PRPSAP1: variants seen among roughly 807,000 people sequenced by gnomAD.
PRPSAP1 encodes phosphoribosyl pyrophosphate synthetase associated protein 1, also known as phosphoribosyl pyrophosphate synthase-associated protein 1.
In PRPSAP1, 31 loss-of-function variants were observed where a neutral mutation model predicts 39.4. The ratio of observed to expected loss-of-function variants is 0.79; its 90% CI spans 0.59 to 1.06. The LOEUF is 1.06. Among genes scored for constraint, PRPSAP1 ranks in the 50% least tolerant of loss-of-function variants. PRPSAP1 has a pLI of 0.00. For missense variants in PRPSAP1, 430 were observed against 511.6 expected, an observed-to-expected ratio of 0.84 and a Z score of 1.54; for synonymous variants, 212 against 192.6, an observed-to-expected ratio of 1.10 and a Z score of -0.83.
In PRPSAP1 at chr17:76,311,811, A is replaced by G. The variant is rs2071073749; in HGVS notation, c.1000-111T>C. Reference sequence around the variant, plus strand: ...GTTCCCACAGCCTAAGTTCCAAACTACAAAACCTTGTTCCACCGAGTATAG... The same window carrying G: ...GTTCCCACAGCCTAAGTTCCAAACTGCAAAACCTTGTTCCACCGAGTATAG... On this transcript the variant is annotated intron_variant, in intron 9 of 9. Transcript: ENST00000446526. 6 of 1,274,016 alleles carry G rather than the reference A, an allele frequency of 4.7e-6. No individual in the cohort carries two copies. The Admixed American group carries it at 7.7e-5, about 16-fold the overall frequency. The allele number at this position is 1,274,016 out of a possible 1,614,324, so 78.9% of individuals were successfully genotyped here.
intron 3 of PRPSAP1, among the ~76,000 whole-genome samples, chr17:76,340,899 T>G (rs1295968923): frequency 8.1e-6 from 1 of 124,114 alleles, no homozygotes; most frequent in Non-Finnish European, 1.6e-5. Context: ...CGAAACTCCA[T>G]CTCAAAAAAA....
chr17:76,338,308 T>G (rs2071400181), intron 3 of PRPSAP1, among the ~76,000 whole-genome samples: 2 of 152,220 alleles, frequency 1.3e-5, no homozygotes, highest in African/African-American at 4.8e-5. Context: ...TTTGGTCTGT[T>G]TGCCTAAAAT....
At position 76,311,635 on chromosome 17, in the gene PRPSAP1, C is replaced by T. The variant is rs1359917165; in HGVS notation, c.1065G>A (p.Val355=). 5.6e-6 allele frequency: 9 copies of T among 1,614,068 alleles called. No individual in the cohort carries two copies. The highest frequency in any genetic ancestry group is 1.3e-5 in the African/African-American group (1 of 74,934). ...QKLQCPKIKT[V]DISLILSEAI... ...CTTCAGAAAGAATCAAACTGATATC[C>T]ACAGTCTTTATCTTGGGACATTGCA... The change falls in exon 10 of 10, where the codon GTG becomes GTA. Residue 355 remains valine (V), a synonymous_variant. Transcript: ENST00000446526.
rs140255480 is a variant in PRPSAP1 at position 76,318,694 on chromosome 17, AAG to A, written c.782-4805_782-4804del. 3.4e-3 allele frequency among the ~76,000 whole-genome samples: 513 copies of A among 152,306 alleles called. 9 individuals carry two copies. Among genetic ancestry groups the A allele is most frequent in the African/African-American group, 0.012 (489 of 41,562 alleles). ...AGAATTTTCTTGGCTAAGCCTATTA[AAG>A]AGAGTCACAGAAAGCAATGTGATGA... On this transcript the variant is annotated intron_variant, in intron 7 of 9. Transcript: ENST00000446526.
chr17:76,313,170 G>A (rs1458213336), intron 8 of PRPSAP1, 154 bp from the exon 9 acceptor site: 5 of 1,001,440 alleles, frequency 5.0e-6, no homozygotes, highest in Middle Eastern at 6.7e-4. Context: ...CGAGCATCCA[G>A]AAATGGCAAC....
Position 76,319,159 on chromosome 17 carries a change from C to T in PRPSAP1, c.782-5268G>A, listed in dbSNP as rs556440998. Among the ~76,000 whole-genome samples the T allele has an allele frequency of 9.0e-4, 136 of 151,946 alleles. 1 individual carries two copies. Among genetic ancestry groups the T allele is most frequent in the African/African-American group, 3.1e-3 (128 of 41,454 alleles). On this transcript the variant is annotated intron_variant, in intron 7 of 9. Transcript: ENST00000446526. Reference sequence around the variant, plus strand: ...TTCACCATGTTTGTCAGGCTGGTCTCGAACTCCTGACCTCGTGATCTGCCT... The same window carrying T: ...TTCACCATGTTTGTCAGGCTGGTCTTGAACTCCTGACCTCGTGATCTGCCT...
chr17:76,336,611 A>C (rs371034958), intron 3 of PRPSAP1, among the ~76,000 whole-genome samples: 2 of 150,728 alleles, frequency 1.3e-5, no homozygotes, highest in Non-Finnish European at 3.0e-5. Flanking sequence ...GCATGCCTGT[A>C]ATCCCAGTTA....
chr17:76,341,334 C>A (rs1466578762), intron 3 of PRPSAP1, among the ~76,000 whole-genome samples: 1 of 148,430 alleles, frequency 6.7e-6, no homozygotes, highest in African/African-American at 2.5e-5. Flanking sequence ...ACCACCCAGG[C>A]TCAAGCAATC....
In PRPSAP1 at chr17:76,353,898, C is replaced by T; in HGVS notation, c.-195G>A. 1 of 1,333,528 alleles carries T rather than the reference C, an allele frequency of 7.5e-7. No homozygotes were observed. Among genetic ancestry groups the T allele is most frequent in the Non-Finnish European group, 9.5e-7 (1 of 1,048,030 alleles). 82.6% of individuals were successfully genotyped at this position (1,333,528 alleles called of 1,614,324 possible). A position where few individuals can be genotyped will look rare whatever the true frequency, so the allele number is the denominator to read the frequency against. Reference sequence around the variant, plus strand: ...CGAGCCTTCGCAGCGCCCGGCGCCGCCGCCTCAGAGCCAGAGGCAAGGCCA... The same window carrying T: ...CGAGCCTTCGCAGCGCCCGGCGCCGTCGCCTCAGAGCCAGAGGCAAGGCCA... On this transcript the variant is annotated 5_prime_UTR_variant, in exon 1 of 10. Coordinates refer to ENST00000446526, the MANE Select transcript of PRPSAP1 (RefSeq NM_002766.3).
At chr17:76,315,177 AC>A (rs374093828) in intron 7 of PRPSAP1, among the ~76,000 whole-genome samples, 1 of 152,370 alleles carries the variant, frequency 6.6e-6, no homozygotes, top group African/African-American at 2.4e-5. Flanking sequence ...CTATGAGTGT[AC>A]AAAGGAAACT....
chr17:76,330,524 A>G (rs1257634366), intron 5 of PRPSAP1, 27 bp downstream of exon 5: 2 of 1,482,638 alleles, frequency 1.3e-6, no homozygotes, highest in Non-Finnish European at 1.9e-6. Flanking sequence ...TTTGAGGACA[A>G]TGGGGTGTTT....
intron 7 of PRPSAP1, among the ~76,000 whole-genome samples, chr17:76,327,951 T>C (rs1160161312): frequency 6.6e-6 from 1 of 151,858 alleles, no homozygotes; most frequent in East Asian, 1.9e-4. Flanking sequence ...TGGGAGACCA[T>C]GACAGGAGGA....
chr17:76,322,597 A>T (rs2071209524), intron 7 of PRPSAP1, among the ~76,000 whole-genome samples: 4 of 152,148 alleles, frequency 2.6e-5, no homozygotes. Flanking sequence ...AACTGTCAAG[A>T]ATACAGGCTG....
intron 5 of PRPSAP1, 101 bp from the exon 6 acceptor site, chr17:76,330,199 C>A (rs1035601135): frequency 3.0e-6 from 3 of 1,004,414 alleles, no homozygotes; most frequent in Non-Finnish European, 4.5e-6. Flanking sequence ...CCAAACTAGT[C>A]ATCAAATATG....
intron 7 of PRPSAP1, among the ~76,000 whole-genome samples, chr17:76,318,436 AG>A (rs1383455321): frequency 1.3e-5 from 2 of 152,150 alleles, no homozygotes; most frequent in African/African-American, 4.8e-5. Context: ...GGTGACAGCA[AG>A]ACTCTATCTG....
intron 1 of PRPSAP1, among the ~76,000 whole-genome samples, chr17:76,350,210 C>T (rs947993700): frequency 5.3e-5 from 8 of 151,406 alleles, no homozygotes; most frequent in South Asian, 4.2e-4. Context: ...GAGGCCGAGG[C>T]GGGCGGATCA....
At chr17:76,315,859 C>T (rs980116893) in intron 7 of PRPSAP1, among the ~76,000 whole-genome samples, 3 of 151,488 alleles carry the variant, frequency 2.0e-5, no homozygotes, top group Admixed American at 1.3e-4. Flanking sequence ...GGATTACAGG[C>T]ACGTGCCACC....
intron 1 of PRPSAP1, chr17:76,353,255 C>G (rs1368473463): frequency 7.2e-6 from 3 of 414,806 alleles, no homozygotes; most frequent in Non-Finnish European, 4.3e-6. Flanking sequence ...CGGCCCGCCC[C>G]GGGGTGTGGG....
chr17:76,340,690 A>G (rs1011224626), intron 3 of PRPSAP1, among the ~76,000 whole-genome samples: 21 of 152,070 alleles, frequency 1.4e-4, no homozygotes, highest in Non-Finnish European at 2.2e-4. Context: ...TGGGAGTTCG[A>G]GACCAGCCTG....
Sources: allele counts gnomAD v4.1 joint callset (sites outside exome capture counted in the v4.1 genomes callset), GRCh38; gene constraint gnomAD v4.1.1; transcripts MANE v1.5; gene names NCBI Gene and HGNC (gene_info 2026-07-23, HGNC 2026-07-21).